SLC16A4: variants seen among roughly 807,000 people sequenced by gnomAD.
The protein encoded by SLC16A4 is probable monocarboxylate transporter 5.
Under a neutral mutation model 47.9 loss-of-function variants are expected in SLC16A4, and 39 were observed. That is an observed-to-expected ratio of 0.81 (90% CI 0.63 to 1.06). The LOEUF is 1.06. SLC16A4 is among the 50% of genes least tolerant of loss of function. The probability of loss-of-function intolerance (pLI) is 0.00; values close to 1 mark genes in which losing one functional copy is unlikely to be tolerated. For synonymous variants in SLC16A4, 189 were observed against 199.9 expected (o/e 0.95, Z 0.46); for missense variants, 524 against 573.8 (o/e 0.91, Z 0.89).
chr1:110,379,376 G>A lies in SLC16A4; in HGVS notation c.527-20C>T, dbSNP rs1251181369. 1 of 1,571,362 alleles carries A rather than the reference G, an allele frequency of 6.4e-7. No homozygotes were observed. The highest frequency in any genetic ancestry group is 2.3e-5 in the East Asian group (1 of 44,248). ...GGGCTCCTAAATAGGGAGAGATTGA[G>A]CAATTAAAAATAGCCTTTCAGTTCA... On this transcript the variant is annotated intron_variant, in intron 5 of 8. Coordinates refer to ENST00000369779, the MANE Select transcript of SLC16A4 (RefSeq NM_004696.3).
At chr1:110,376,115 G>A (rs962151252) in intron 7 of SLC16A4, among the ~76,000 whole-genome samples, 3 of 152,044 alleles carry the variant, frequency 2.0e-5, no homozygotes, top group Non-Finnish European at 2.9e-5. Flanking sequence ...GAGCTCAAGC[G>A]ATCCACCTGC....
chr1:110,368,174 C>G (rs1661497053), intron 8 of SLC16A4, among the ~76,000 whole-genome samples: 1 of 152,206 alleles, frequency 6.6e-6, no homozygotes, highest in Non-Finnish European at 1.5e-5. Flanking sequence ...TCAGAAGCCA[C>G]TGTATTCTCA....
intron 8 of SLC16A4, among the ~76,000 whole-genome samples, chr1:110,366,589 C>T (rs1256916425): frequency 6.6e-6 from 1 of 152,152 alleles, no homozygotes; most frequent in Non-Finnish European, 1.5e-5. Context: ...GAGTATCTTT[C>T]TATGTTTAGA....
At chr1:110,387,799 T>C (rs1662809531) in intron 2 of SLC16A4, among the ~76,000 whole-genome samples, 1 of 30,924 alleles carries the variant, frequency 3.2e-5, no homozygotes, top group Non-Finnish European at 7.3e-5. Flanking sequence ...GGGCATCCTT[T>C]AGTTTCCCTA....
At chr1:110,381,847 C>G in intron 3 of SLC16A4, 52 bp from the exon 4 acceptor site, 1 of 1,516,264 alleles carries the variant, frequency 6.6e-7, no homozygotes, top group Non-Finnish European at 9.0e-7. Context: ...TCTGGCATCC[C>G]TTATCCTCTG....
chr1:110,373,737 G>C (rs1450973701), intron 8 of SLC16A4, among the ~76,000 whole-genome samples: 2 of 146,978 alleles, frequency 1.4e-5, no homozygotes, highest in Non-Finnish European at 3.0e-5. Flanking sequence ...AGAGTGCAGT[G>C]GCATGATCAA....
chr1:110,386,529 A>G (rs1455058132), intron 2 of SLC16A4, among the ~76,000 whole-genome samples: 1 of 152,138 alleles, frequency 6.6e-6, no homozygotes, highest in Non-Finnish European at 1.5e-5. Flanking sequence ...TTTGTTTTTA[A>G]GAGCAGTTAA....
At chr1:110,372,478 A>C (rs1661736892) in intron 8 of SLC16A4, 1 of 152,254 alleles carries the variant, frequency 6.6e-6, no homozygotes, top group Non-Finnish European at 1.5e-5. Flanking sequence ...TACACCTGCA[A>C]GAACTGAGTT....
chr1:110,380,967 C>G lies in SLC16A4; in HGVS notation c.526+15G>C. Reference sequence around the variant, plus strand: ...TCTTGCACAGTTGATAGTAAATAAACTTAGAATGACGTACCTGTCCAGTCA... The same window carrying G: ...TCTTGCACAGTTGATAGTAAATAAAGTTAGAATGACGTACCTGTCCAGTCA... On this transcript the variant is annotated intron_variant, in intron 5 of 8. Transcript: ENST00000369779. The G allele has an allele frequency of 6.2e-7, 1 of 1,612,026 alleles. No homozygotes were observed. The highest frequency in any genetic ancestry group is 8.5e-7 in the Non-Finnish European group (1 of 1,178,318).
At chr1:110,383,333 C>T (rs1439602651) in intron 2 of SLC16A4, among the ~76,000 whole-genome samples, 1 of 152,164 alleles carries the variant, frequency 6.6e-6, no homozygotes, top group African/African-American at 2.4e-5. Context: ...CCACAGAGCC[C>T]ATTGTGCAAG....
Position 110,363,687 on chromosome 1 carries a change from C to T in SLC16A4, c.*79G>A, listed in dbSNP as rs2100962613. Reference sequence around the variant, plus strand: ...TTACAAATGTAGATGCGATGTGTTTCTTTCAAGCTTTTGTTTCCAATGACA... The same window carrying T: ...TTACAAATGTAGATGCGATGTGTTTTTTTCAAGCTTTTGTTTCCAATGACA... On this transcript the variant is annotated 3_prime_UTR_variant, in exon 9 of 9. Transcript: ENST00000369779. 2.4e-6 allele frequency: 3 copies of T among 1,266,864 alleles called. No individual in the cohort carries two copies. 78.5% of individuals were successfully genotyped at this position (1,266,864 alleles called of 1,614,324 possible).
intron 8 of SLC16A4, among the ~76,000 whole-genome samples, chr1:110,373,347 A>T (rs537332356): frequency 6.6e-6 from 1 of 152,284 alleles, no homozygotes; most frequent in East Asian, 1.9e-4. Context: ...AAGGATCAAG[A>T]TTGAAAAAAA....
At chr1:110,371,353 T>G (rs2101000570) in intron 8 of SLC16A4, 1 of 152,300 alleles carries the variant, frequency 6.6e-6, no homozygotes, top group African/African-American at 2.4e-5. Context: ...AATATGGTCC[T>G]TTGGTTTTAT....
In SLC16A4 at chr1:110,380,832, A is replaced by C. The variant is rs964875582; in HGVS notation, c.526+150T>G. 7.2e-6 allele frequency: 5 copies of C among 693,560 alleles called. No individual in the cohort carries two copies. In the Admixed American group the frequency reaches 1.3e-4, roughly 18 times the overall value. 43.0% of individuals were successfully genotyped at this position (693,560 alleles called of 1,614,324 possible). A position where few individuals can be genotyped will look rare whatever the true frequency, so the allele number is the denominator to read the frequency against. On this transcript the variant is annotated intron_variant, in intron 5 of 8. Coordinates refer to ENST00000369779, the MANE Select transcript of SLC16A4 (RefSeq NM_004696.3). Reference sequence around the variant, plus strand: ...TATGTATTCTCCAGGGAAGAGAAGCATGTTTACTTTAGAAATTATGCTCAT... The same window carrying C: ...TATGTATTCTCCAGGGAAGAGAAGCCTGTTTACTTTAGAAATTATGCTCAT...
rs147498049 is a variant in SLC16A4 at position 110,387,264 on chromosome 1, A to G, written c.87+1973T>C. On this transcript the variant is annotated intron_variant, in intron 2 of 8. Coordinates refer to ENST00000369779, the MANE Select transcript of SLC16A4 (RefSeq NM_004696.3). Reference sequence around the variant, plus strand: ...GACATAGACCCTGCCCCCATGGAACATTCAGTCTAGTAAGACAGACTGAAT... The same window carrying G: ...GACATAGACCCTGCCCCCATGGAACGTTCAGTCTAGTAAGACAGACTGAAT... 3.0e-3 allele frequency among the ~76,000 whole-genome samples: 459 copies of G among 151,952 alleles called. 3 individuals carry two copies. The highest frequency in any genetic ancestry group is 4.9e-3 in the Non-Finnish European group (330 of 67,950).
intron 6 of SLC16A4, 124 bp downstream of exon 6, chr1:110,378,729 A>G (rs11102095): frequency 0.083 from 101,962 of 1,224,558 alleles, 4,636 homozygotes; most frequent in African/African-American, 0.14. Flanking sequence ...CAAAAATTTT[A>G]CTTTCTCTGG....
At chr1:110,377,722 G>C (rs978284990) in intron 6 of SLC16A4, among the ~76,000 whole-genome samples, 1 of 152,066 alleles carries the variant, frequency 6.6e-6, no homozygotes, top group Non-Finnish European at 1.5e-5. Flanking sequence ...ATTGTATTTT[G>C]GACCACTGCA....
In SLC16A4 at chr1:110,363,004, A is replaced by G. The variant is rs1661163153; in HGVS notation, c.*762T>C. On this transcript the variant is annotated 3_prime_UTR_variant, in exon 9 of 9. Transcript: ENST00000369779. ...AAGGATTACCTTTAATCAATAAACA[A>G]AGATAAACTTTTGGAGGGAGCATAT... is the stretch of plus-strand genomic sequence containing the variant. 1 of 152,250 alleles carries G rather than the reference A, an allele frequency of 6.6e-6. No homozygotes were observed. The highest frequency in any genetic ancestry group is 1.5e-5 in the Non-Finnish European group (1 of 68,048). The allele number at this position is 152,250 out of a possible 1,614,324, so 9.4% of individuals were successfully genotyped here. A position where few individuals can be genotyped will look rare whatever the true frequency, so the allele number is the denominator to read the frequency against.
At chr1:110,365,936 C>G (rs1432565043) in intron 8 of SLC16A4, among the ~76,000 whole-genome samples, 1 of 151,924 alleles carries the variant, frequency 6.6e-6, no homozygotes, top group Non-Finnish European at 1.5e-5. Flanking sequence ...TGTTTATAAG[C>G]CTTTTCTTTC....
Sources: allele counts gnomAD v4.1 joint callset (sites outside exome capture counted in the v4.1 genomes callset), GRCh38; gene constraint gnomAD v4.1.1; transcripts MANE v1.5; gene names NCBI Gene and HGNC (gene_info 2026-07-23, HGNC 2026-07-21).